MARCHF1: variants seen among roughly 807,000 people sequenced by gnomAD.
MARCHF1 encodes the protein membrane associated ring-CH-type finger 1.
A neutral mutation model predicts 54.2 loss-of-function variants in MARCHF1; 40 were observed. The ratio of observed to expected loss-of-function variants is 0.74; its 90% CI spans 0.57 to 0.96. MARCHF1 has a LOEUF of 0.96. MARCHF1 is among the 40% of genes least tolerant of loss of function. MARCHF1 has a pLI of 0.00. For synonymous variants in MARCHF1, 236 were observed against 236.3 expected (o/e 1.00, Z 0.01); for missense variants, 586 against 656.5 (o/e 0.89, Z 1.17).
chr4:163,705,256 T>C (rs1744916391), intron 4 of MARCHF1, among the ~76,000 whole-genome samples: 1 of 151,518 alleles, frequency 6.6e-6, no homozygotes, highest in Non-Finnish European at 1.5e-5. Flanking sequence ...GAAACATAAA[T>C]ATCCCTAATC....
chr4:163,829,171 T>C (rs529027126), intron 4 of MARCHF1: 1 of 152,194 alleles, frequency 6.6e-6, no homozygotes, highest in Non-Finnish European at 1.5e-5. Flanking sequence ...TCAGTATGAT[T>C]TGTGACCATT....
Position 164,015,792 on chromosome 4 carries a change from G to A in MARCHF1, c.-247-27083C>T, listed in dbSNP as rs542849648. ...ATCCCAGTTAAAATGGCTTATATCC[G>A]AAAGACAAGCAATAACAAATGCGGA... On this transcript the variant is annotated intron_variant, in intron 2 of 9. Transcript: ENST00000514618. Among the ~76,000 whole-genome samples the A allele has an allele frequency of 1.9e-3, 292 of 151,414 alleles. 2 individuals carry two copies. Among genetic ancestry groups the A allele is most frequent in the Non-Finnish European group, 3.7e-3 (252 of 67,844 alleles).
intron 1 of MARCHF1, among the ~76,000 whole-genome samples, chr4:164,276,668 G>T (rs1353787178): frequency 6.6e-6 from 1 of 150,800 alleles, no homozygotes; most frequent in East Asian, 1.9e-4. Flanking sequence ...TGTATCCCAA[G>T]AATGTATACA....
intron 7 of MARCHF1, among the ~76,000 whole-genome samples, chr4:163,603,641 G>T (rs557985524): frequency 6.6e-6 from 1 of 152,178 alleles, no homozygotes; most frequent in African/African-American, 2.4e-5. Context: ...CTGGACGTTT[G>T]ATCTTGCAAC....
intron 4 of MARCHF1, among the ~76,000 whole-genome samples, chr4:163,851,082 C>T (rs1269013999): frequency 6.6e-6 from 1 of 152,058 alleles, no homozygotes; most frequent in Non-Finnish European, 1.5e-5. Context: ...CGGAATATAA[C>T]ACTTAAATGT....
At chr4:164,050,505 TC>T (rs1754341251) in intron 2 of MARCHF1, among the ~76,000 whole-genome samples, 1 of 151,988 alleles carries the variant, frequency 6.6e-6, no homozygotes, top group East Asian at 1.9e-4. Context: ...TATGCTCTGA[TC>T]TAATCCACCA....
intron 5 of MARCHF1, among the ~76,000 whole-genome samples, chr4:163,626,330 AAATT>A (rs1465445200): frequency 6.6e-6 from 1 of 152,220 alleles, no homozygotes; most frequent in East Asian, 1.9e-4. Flanking sequence ...GGCATTTTGA[AAATT>A]AATTACGGTT....
At chr4:164,020,227 A>G (rs1753632051) in intron 2 of MARCHF1, among the ~76,000 whole-genome samples, 1 of 152,210 alleles carries the variant, frequency 6.6e-6, no homozygotes, top group Admixed American at 6.5e-5. Context: ...AGGTATTTGT[A>G]GGACTTTTGC....
At chr4:163,900,515 G>A (rs1452295504) in intron 3 of MARCHF1, among the ~76,000 whole-genome samples, 1 of 152,120 alleles carries the variant, frequency 6.6e-6, no homozygotes, top group Non-Finnish European at 1.5e-5. Flanking sequence ...ATAAGTCTAA[G>A]AAGGTAAATG....
chr4:163,820,516 C>T (rs181718389), intron 4 of MARCHF1, among the ~76,000 whole-genome samples: 1 of 152,064 alleles, frequency 6.6e-6, no homozygotes, highest in East Asian at 1.9e-4. Flanking sequence ...TCAACCCAGA[C>T]AATTCTTCAA....
chr4:163,746,379 A>AGGTACCAC (rs1746362029), intron 4 of MARCHF1, among the ~76,000 whole-genome samples: 1 of 152,128 alleles, frequency 6.6e-6, no homozygotes, highest in Non-Finnish European at 1.5e-5. Context: ...CATTGTCTGT[A>AGGTACCAC]GGTACCACAG....
At chr4:163,775,176 A>C (rs1747270242) in intron 4 of MARCHF1, among the ~76,000 whole-genome samples, 1 of 152,192 alleles carries the variant, frequency 6.6e-6, no homozygotes, top group African/African-American at 2.4e-5. Context: ...GCAAACAAAC[A>C]GCTTTTGCAT....
chr4:164,165,362 G>GTCTCTCTCTCTCTC (rs55721102), intron 1 of MARCHF1, among the ~76,000 whole-genome samples: 16,668 of 148,610 alleles, frequency 0.11, 1,140 homozygotes, highest in Admixed American at 0.2. Context: ...TTTTCTCTCT[G>GTCTCTCTCTCTCTC]TCTCTCTCTC....
At chr4:164,177,256 C>G (rs191277405) in intron 1 of MARCHF1, among the ~76,000 whole-genome samples, 1 of 151,880 alleles carries the variant, frequency 6.6e-6, no homozygotes, top group Non-Finnish European at 1.5e-5. Context: ...TGAATAATCT[C>G]ACATACACTA....
intron 4 of MARCHF1, among the ~76,000 whole-genome samples, chr4:163,707,276 A>C (rs1744976426): frequency 6.6e-6 from 1 of 152,122 alleles, no homozygotes; most frequent in Non-Finnish European, 1.5e-5. Flanking sequence ...GTGAGTAAAC[A>C]ATTGTGTTAG....
chr4:163,795,898 G>A (rs927696817), intron 4 of MARCHF1, among the ~76,000 whole-genome samples: 3 of 152,072 alleles, frequency 2.0e-5, no homozygotes, highest in African/African-American at 7.2e-5. Flanking sequence ...CACATTATAT[G>A]TATTATATAT....
intron 3 of MARCHF1, among the ~76,000 whole-genome samples, chr4:163,983,800 A>G (rs1752807269): frequency 6.6e-6 from 1 of 152,138 alleles, no homozygotes; most frequent in Non-Finnish European, 1.5e-5. Flanking sequence ...CTTTGTTTCT[A>G]CCAACTTTGC....
intron 2 of MARCHF1, among the ~76,000 whole-genome samples, chr4:164,004,174 T>C (rs762847264): frequency 6.6e-6 from 1 of 151,894 alleles, no homozygotes; most frequent in East Asian, 1.9e-4. Flanking sequence ...AAATAGCTAA[T>C]GCATGTGGGG....
intron 1 of MARCHF1, among the ~76,000 whole-genome samples, chr4:164,220,584 G>GCT (rs1339633816): frequency 4.2e-5 from 5 of 118,950 alleles, no homozygotes; most frequent in African/African-American, 6.4e-5. Context: ...TAATACATAT[G>GCT]ATATATGTAT....
Sources: allele counts gnomAD v4.1 joint callset (sites outside exome capture counted in the v4.1 genomes callset), GRCh38; gene constraint gnomAD v4.1.1; transcripts MANE v1.5; gene names NCBI Gene and HGNC (gene_info 2026-07-23, HGNC 2026-07-21).